ATG4C: variants seen among roughly 807,000 people sequenced by gnomAD.
ATG4C encodes autophagy related 4C cysteine peptidase, also known as cysteine protease ATG4C.
ATG4C carries 56 observed loss-of-function variants against 57.6 expected under a neutral mutation model. That is an observed-to-expected ratio of 0.97 (90% CI 0.78 to 1.21). The LOEUF (loss-of-function observed/expected upper bound fraction) is 1.21. Among genes scored for constraint, ATG4C ranks in the 50% most tolerant of loss-of-function variants. The probability of loss-of-function intolerance (pLI) is 0.00; values close to 1 mark genes in which losing one functional copy is unlikely to be tolerated. For missense variants in ATG4C, 595 were observed against 529.8 expected (o/e 1.12, Z -1.21); for synonymous variants, 157 against 174.1 (o/e 0.90, Z 0.78).
intron 6 of ATG4C, among the ~76,000 whole-genome samples, chr1:62,826,526 A>G (rs1462305839): frequency 6.6e-6 from 1 of 151,648 alleles, no homozygotes; most frequent in African/African-American, 2.4e-5. Context: ...GTGAGCTACC[A>G]CGCCCGGCCG....
intron 3 of ATG4C, among the ~76,000 whole-genome samples, chr1:62,811,640 T>G (rs1572115974): frequency 6.6e-6 from 1 of 152,206 alleles, no homozygotes; most frequent in African/African-American, 2.4e-5. Flanking sequence ...GACCAGGACA[T>G]GATGGGCCTA....
At chr1:62,788,927 T>A (rs2100273857) in intron 1 of ATG4C, among the ~76,000 whole-genome samples, 1 of 152,276 alleles carries the variant, frequency 6.6e-6, no homozygotes, top group Middle Eastern at 3.4e-3. Flanking sequence ...TTCCATTTAA[T>A]CATATTAGGA....
At chr1:62,796,207 G>GTTT (rs60552573) in intron 1 of ATG4C, among the ~76,000 whole-genome samples, 72 of 91,148 alleles carry the variant, frequency 7.9e-4, no homozygotes, top group African/African-American at 2.7e-3. Context: ...ATTTGTGTGG[G>GTTT]TTTTTTTTTT....
intron 10 of ATG4C, among the ~76,000 whole-genome samples, chr1:62,860,396 T>C (rs71643655): frequency 3.7e-4 from 57 of 152,302 alleles, no homozygotes; most frequent in Middle Eastern, 6.8e-3. Flanking sequence ...TGTACATAAT[T>C]TTATCTGCCA....
At chr1:62,844,852 C>T (rs1445885362) in intron 10 of ATG4C, among the ~76,000 whole-genome samples, 1 of 151,810 alleles carries the variant, frequency 6.6e-6, no homozygotes, top group African/African-American at 2.4e-5. Context: ...TATTCATCTA[C>T]AACATTTTTA....
At chr1:62,800,330 G>T (rs1664616648) in intron 1 of ATG4C, among the ~76,000 whole-genome samples, 1 of 151,962 alleles carries the variant, frequency 6.6e-6, no homozygotes, top group Non-Finnish European at 1.5e-5. Context: ...TTTTGTATAA[G>T]ATTTGGAAAA....
chr1:62,815,347 A>G (rs1262030608), intron 3 of ATG4C, among the ~76,000 whole-genome samples: 2 of 152,074 alleles, frequency 1.3e-5, no homozygotes, highest in African/African-American at 4.8e-5. Flanking sequence ...GTCTGCCTTC[A>G]AGTGATATAC....
At chr1:62,787,499 C>A (rs937733089) in intron 1 of ATG4C, among the ~76,000 whole-genome samples, 3 of 152,076 alleles carry the variant, frequency 2.0e-5, no homozygotes, top group African/African-American at 4.8e-5. Context: ...AAAATACATA[C>A]TTGTGATTTT....
intron 10 of ATG4C, among the ~76,000 whole-genome samples, chr1:62,855,631 T>C (rs1666659117): frequency 6.6e-6 from 1 of 152,238 alleles, no homozygotes; most frequent in Non-Finnish European, 1.5e-5. Context: ...TTAGAAGTTA[T>C]TCAGTCCAAA....
chr1:62,838,521 T>C (rs1403727480), intron 9 of ATG4C, among the ~76,000 whole-genome samples: 1 of 152,174 alleles, frequency 6.6e-6, no homozygotes, highest in Non-Finnish European at 1.5e-5. Flanking sequence ...CTCCCGCCTG[T>C]AATCCCTCCA....
At chr1:62,851,881 G>A (rs1047602723) in intron 10 of ATG4C, among the ~76,000 whole-genome samples, 7 of 152,066 alleles carry the variant, frequency 4.6e-5, no homozygotes, top group African/African-American at 1.7e-4. Flanking sequence ...AACAGCAGTC[G>A]TGGTGGTGGG....
At chr1:62,840,549 G>A (rs917487561) in intron 9 of ATG4C, among the ~76,000 whole-genome samples, 24 of 152,146 alleles carry the variant, frequency 1.6e-4, no homozygotes, top group African/African-American at 5.8e-4. Flanking sequence ...GACAGGCTAA[G>A]CATTTAAGCA....
At chr1:62,810,705 G>T (rs962031763) in intron 3 of ATG4C, among the ~76,000 whole-genome samples, 5 of 135,796 alleles carry the variant, frequency 3.7e-5, no homozygotes, top group Non-Finnish European at 7.8e-5. Context: ...TTCCCATTGA[G>T]TCCTTGTTTT....
intron 10 of ATG4C, among the ~76,000 whole-genome samples, chr1:62,851,426 T>C (rs1383098600): frequency 1.3e-5 from 2 of 152,222 alleles, no homozygotes; most frequent in Non-Finnish European, 2.9e-5. Context: ...TAGCTATTTA[T>C]TTAGAATTTT....
At chr1:62,816,509 T>C (rs913599069) in intron 3 of ATG4C, 66 bp from the exon 4 acceptor site, 1 of 1,087,616 alleles carries the variant, frequency 9.2e-7, no homozygotes, top group African/African-American at 1.6e-5. Context: ...AAGACAGTAA[T>C]GATAATGTTT....
chr1:62,788,735 T>A (rs957667145), intron 1 of ATG4C, among the ~76,000 whole-genome samples: 9 of 152,220 alleles, frequency 5.9e-5, no homozygotes, highest in African/African-American at 2.2e-4. Context: ...AGTACTTATA[T>A]GTCTATTTTA....
chr1:62,790,203 T>G (rs1664230713), intron 1 of ATG4C, among the ~76,000 whole-genome samples: 1 of 152,334 alleles, frequency 6.6e-6, no homozygotes, highest in African/African-American at 2.4e-5. Context: ...CGTGAGCCAC[T>G]GTACCCGGCC....
At chr1:62,786,643 G>A (rs1452704083) in intron 1 of ATG4C, among the ~76,000 whole-genome samples, 1 of 151,974 alleles carries the variant, frequency 6.6e-6, no homozygotes, top group East Asian at 1.9e-4. Flanking sequence ...TATTTGACAT[G>A]CATTCAATCA....
At chr1:62,861,216 C>T (rs951055596) in intron 10 of ATG4C, among the ~76,000 whole-genome samples, 2 of 152,048 alleles carry the variant, frequency 1.3e-5, no homozygotes, top group Admixed American at 1.3e-4. Context: ...TAATAGTTTT[C>T]TCCTACTATG....
Sources: allele counts gnomAD v4.1 joint callset (sites outside exome capture counted in the v4.1 genomes callset), GRCh38; gene constraint gnomAD v4.1.1; transcripts MANE v1.5; gene names NCBI Gene and HGNC (gene_info 2026-07-23, HGNC 2026-07-21).